UBE3C: variants seen among roughly 807,000 people sequenced by gnomAD.
The protein encoded by UBE3C is ubiquitin-protein ligase E3C.
Under a neutral mutation model 129.4 loss-of-function variants are expected in UBE3C, and 42 were observed. The ratio of observed to expected loss-of-function variants is 0.32; its 90% CI spans 0.25 to 0.42. The LOEUF (loss-of-function observed/expected upper bound fraction) is 0.42. Ranked by LOEUF, UBE3C falls within the 10% of genes least tolerant of loss-of-function variation. UBE3C has a pLI of 1.00. For synonymous variants in UBE3C, 510 were observed against 492.4 expected, an observed-to-expected ratio of 1.04 and a Z score of -0.47; for missense variants, 1,049 against 1,319.1, an observed-to-expected ratio of 0.80 and a Z score of 3.17.
intron 7 of UBE3C, 118 bp downstream of exon 7, chr7:157,181,789 G>A: frequency 6.0e-6 from 8 of 1,335,288 alleles, no homozygotes; most frequent in Non-Finnish European, 8.2e-6. Context: ...TACTTTATTA[G>A]TGTTGATTTA....
intron 8 of UBE3C, among the ~76,000 whole-genome samples, chr7:157,182,560 T>C (rs1171058096): frequency 6.6e-6 from 1 of 152,198 alleles, no homozygotes; most frequent in Non-Finnish European, 1.5e-5. Context: ...ATTATTTTAA[T>C]AGAGTTAACA....
chr7:157,218,576 ACT>A (rs1326880120), intron 14 of UBE3C, among the ~76,000 whole-genome samples: 12 of 152,350 alleles, frequency 7.9e-5, no homozygotes, highest in African/African-American at 2.9e-4. Flanking sequence ...GTTGCATCTA[ACT>A]CTGCCCACTG....
chr7:157,259,942 G>A (rs1796853848), intron 22 of UBE3C, among the ~76,000 whole-genome samples: 1 of 152,208 alleles, frequency 6.6e-6, no homozygotes, highest in Non-Finnish European at 1.5e-5. Context: ...GGACCCAGTA[G>A]AGAGGTGGAA....
chr7:157,200,755 C>T (rs1276620822), intron 10 of UBE3C, among the ~76,000 whole-genome samples: 2 of 152,176 alleles, frequency 1.3e-5, no homozygotes, highest in East Asian at 3.9e-4. Flanking sequence ...CTACCTCAAC[C>T]TCATGAGTAG....
At chr7:157,153,371 A>T (rs1370424267) in intron 1 of UBE3C, among the ~76,000 whole-genome samples, 1 of 152,146 alleles carries the variant, frequency 6.6e-6, no homozygotes, top group African/African-American at 2.4e-5. Context: ...AAAAATAGTT[A>T]ACTCTGGAAC....
At chr7:157,211,386 T>G (rs910366742) in intron 13 of UBE3C, among the ~76,000 whole-genome samples, 1 of 152,222 alleles carries the variant, frequency 6.6e-6, no homozygotes, top group African/African-American at 2.4e-5. Flanking sequence ...TTTCTGTTAT[T>G]GAAGATTTTG....
chr7:157,247,969 A>T (rs1456451763), intron 18 of UBE3C, among the ~76,000 whole-genome samples: 1 of 152,168 alleles, frequency 6.6e-6, no homozygotes, highest in Non-Finnish European at 1.5e-5. Context: ...GCGTGAGTTC[A>T]TGTGGTTTTC....
At chr7:157,141,759 A>T (rs758697490) in intron 1 of UBE3C, among the ~76,000 whole-genome samples, 3 of 152,236 alleles carry the variant, frequency 2.0e-5, no homozygotes, top group African/African-American at 7.2e-5. Flanking sequence ...CTTCAGGGGC[A>T]TGGAGCCACT....
At chr7:157,240,207 A>G (rs779279563) in intron 18 of UBE3C, among the ~76,000 whole-genome samples, 12 of 152,036 alleles carry the variant, frequency 7.9e-5, no homozygotes, top group Non-Finnish European at 1.3e-4. Context: ...GACACCCACC[A>G]CCACGCCCGG....
chr7:157,153,017 G>A (rs1563029379), intron 1 of UBE3C, among the ~76,000 whole-genome samples: 3 of 152,098 alleles, frequency 2.0e-5, no homozygotes, highest in African/African-American at 4.8e-5. Flanking sequence ...CCAACATGGC[G>A]AAACCCTGTC....
rs761578147 is a variant in UBE3C at position 157,175,049 on chromosome 7, T to C, written c.458+15T>C. 8.1e-6 allele frequency: 13 copies of C among 1,596,232 alleles called. No individual in the cohort carries two copies. Among genetic ancestry groups the C allele is most frequent in the Non-Finnish European group, 1.1e-5 (13 of 1,167,546 alleles). ...CTCTGTTGCAGGTAAAATTCTATTG[T>C]AAGTCAGTAACGTATATAATGTATT... On this transcript the variant is annotated intron_variant, in intron 5 of 22. Transcript: ENST00000348165.
chr7:157,223,105 T>A, intron 15 of UBE3C, 149 bp from the exon 16 acceptor site: 1 of 736,808 alleles, frequency 1.4e-6, no homozygotes. Context: ...GGCTCATGGG[T>A]CTGCCTGAGG....
chr7:157,184,657 A>G (rs1808759782), intron 9 of UBE3C, among the ~76,000 whole-genome samples: 1 of 152,216 alleles, frequency 6.6e-6, no homozygotes, highest in Non-Finnish European at 1.5e-5. Context: ...TATATTGATT[A>G]CTACTAAGTG....
intron 11 of UBE3C, among the ~76,000 whole-genome samples, chr7:157,205,993 C>T (rs935716033): frequency 6.6e-6 from 1 of 152,128 alleles, no homozygotes; most frequent in African/African-American, 2.4e-5. Context: ...ATTTGTAGAT[C>T]CTGACTCCTG....
At chr7:157,220,879 A>G in intron 15 of UBE3C, 103 bp downstream of exon 15, 2 of 1,311,630 alleles carry the variant, frequency 1.5e-6, no homozygotes, top group Non-Finnish European at 2.1e-6. Flanking sequence ...TTATACAGCC[A>G]TGTCACTCCC....
chr7:157,199,883 G>T (rs573671508), intron 10 of UBE3C, among the ~76,000 whole-genome samples: 4 of 151,482 alleles, frequency 2.6e-5, no homozygotes, highest in Non-Finnish European at 4.4e-5. Flanking sequence ...CCATTTTTTC[G>T]TTTTTCCAAT....
At chr7:157,218,514 A>G (rs955935947) in intron 14 of UBE3C, among the ~76,000 whole-genome samples, 1 of 152,190 alleles carries the variant, frequency 6.6e-6, no homozygotes, top group Admixed American at 6.5e-5. Context: ...GTGTTTCAGA[A>G]CAATTTTATA....
At chr7:157,164,473 T>A (rs1279879320) in intron 2 of UBE3C, 1 of 456,640 alleles carries the variant, frequency 2.2e-6, no homozygotes, top group Non-Finnish European at 4.4e-6. Flanking sequence ...TGATGTTTCA[T>A]GAAGCATAAG....
intron 21 of UBE3C, among the ~76,000 whole-genome samples, 182 bp downstream of exon 21, chr7:157,254,492 G>A (rs1220722021): frequency 6.6e-6 from 1 of 151,564 alleles, no homozygotes; most frequent in Non-Finnish European, 1.5e-5. Context: ...TTGCCTCCCG[G>A]GTTCAAGCAA....
Sources: gnomAD v4.1 joint callset for allele counts (sites outside exome capture counted in the v4.1 genomes callset) on GRCh38, gnomAD v4.1.1 for gene constraint, MANE v1.5 for transcripts, NCBI Gene and HGNC (gene_info 2026-07-23, HGNC 2026-07-21) for gene names.